FAT4: variants seen among roughly 807,000 people sequenced by gnomAD.
FAT4 encodes FAT atypical cadherin 4, also known as protocadherin Fat 4.
A neutral mutation model predicts 303.9 loss-of-function variants in FAT4; 84 were observed. The observed-to-expected ratio is 0.28, with a 90% CI of 0.23 to 0.33. The LOEUF (loss-of-function observed/expected upper bound fraction) is 0.33, where lower values mean the gene tolerates loss of function less well. Ranked by LOEUF, FAT4 falls within the 10% of genes least tolerant of loss-of-function variation. The pLI, the probability that FAT4 is intolerant of heterozygous loss-of-function variation, is 1.00. For synonymous variants in FAT4, 2,307 were observed against 2,298.8 expected (o/e 1.00, Z -0.10); for missense variants, 6,005 against 6,146.8 (o/e 0.98, Z 0.77).
At chr4:125,412,036 T>C (rs1369351043) in intron 5 of FAT4, among the ~76,000 whole-genome samples, 2 of 151,732 alleles carry the variant, frequency 1.3e-5, no homozygotes, top group African/African-American at 2.4e-5. Flanking sequence ...GCAACACTTA[T>C]GGCTAAAGCT....
chr4:125,441,027 G>GC (rs1725644789), intron 8 of FAT4, among the ~76,000 whole-genome samples: 1 of 151,756 alleles, frequency 6.6e-6, no homozygotes, highest in African/African-American at 2.4e-5. Flanking sequence ...ATTACATCAT[G>GC]CCTGTACTAT....
chr4:125,487,371 A>C lies in FAT4; in HGVS notation c.12849A>C (p.Thr4283=). ...VKIKNGKVYF[T]SDAGIAGKVE... ...TTAAGAATGGCAAAGTATATTTTAC[A>C]TCCGATGCAGGAATTGCTGGGAAAG... is the stretch of plus-strand genomic sequence containing the variant. The change falls in exon 17 of 18, where the codon ACA becomes ACC. Residue 4283 remains threonine, a synonymous_variant. Transcript: ENST00000394329. 6.2e-7 allele frequency: 1 copy of C among 1,613,712 alleles called. No individual in the cohort carries two copies. The highest frequency in any genetic ancestry group is 8.5e-7 in the Non-Finnish European group (1 of 1,179,648).
At chr4:125,446,054 A>C (rs1725815681) in intron 8 of FAT4, 1 of 361,834 alleles carries the variant, frequency 2.8e-6, no homozygotes, top group African/African-American at 2.1e-5. Context: ...AGAGTCCTAA[A>C]AACCTTGTGA....
At position 125,335,794 on chromosome 4, in the gene FAT4, C is replaced by T. The variant is rs766728939; in HGVS notation, c.5175+14208C>T. On this transcript the variant is annotated intron_variant, in intron 2 of 17. Coordinates refer to ENST00000394329, the MANE Select transcript of FAT4 (RefSeq NM_001291303.3). ...TTGTTCAAATACTGGCTTAACTTTTCATGCTGTGTGACTTTAAGGGAGAAG... is the reference window on the plus strand; with the variant it reads ...TTGTTCAAATACTGGCTTAACTTTTTATGCTGTGTGACTTTAAGGGAGAAG... 1.4e-3 allele frequency among the ~76,000 whole-genome samples: 211 copies of T among 151,920 alleles called. 1 individual carries two copies. The highest frequency in any genetic ancestry group is 2.7e-3 in the Admixed American group (41 of 15,240).
In FAT4 at chr4:125,447,110, A is replaced by C. The variant is rs73849223; in HGVS notation, c.7450+567A>C. ...TGTTAGCAAGTTTATGGATCCATTT[A>C]TGAATCATTTTCATATTGACAATAT... On this transcript the variant is annotated intron_variant, in intron 9 of 17. Coordinates refer to ENST00000394329, the MANE Select transcript of FAT4 (RefSeq NM_001291303.3). 2.6e-5 allele frequency among the ~76,000 whole-genome samples: 4 copies of C among 152,044 alleles called. No homozygotes were observed. The South Asian group carries it at 6.2e-4, about 24-fold the overall frequency.
In FAT4 at chr4:125,460,589, T is replaced by C. The variant is rs371162859; in HGVS notation, c.11801-2974T>C. ...CTGAGGATAATAGCCTCCAGCTCCA[T>C]CCATGTTCCCACAAAAGACATAATC... On this transcript the variant is annotated intron_variant, in intron 10 of 17. Coordinates refer to ENST00000394329, the MANE Select transcript of FAT4 (RefSeq NM_001291303.3). Among the ~76,000 whole-genome samples, 10 of 152,212 alleles carry C rather than the reference T, an allele frequency of 6.6e-5. No homozygotes were observed. In the South Asian group the frequency reaches 1.9e-3, roughly 28 times the overall value.
intron 2 of FAT4, among the ~76,000 whole-genome samples, chr4:125,357,595 G>A (rs970370707): frequency 2.6e-5 from 4 of 152,128 alleles, no homozygotes; most frequent in East Asian, 1.9e-4. Context: ...TACAAGAGAT[G>A]TTATTTTAAC....
At chr4:125,443,546 G>T (rs1393673617) in intron 8 of FAT4, among the ~76,000 whole-genome samples, 1 of 152,142 alleles carries the variant, frequency 6.6e-6, no homozygotes, top group East Asian at 1.9e-4. Flanking sequence ...TTTAGTCTCT[G>T]TTAGATTCAG....
chr4:125,452,851 A>G (rs1278678101), intron 10 of FAT4, 41 bp downstream of exon 10: 8 of 1,534,276 alleles, frequency 5.2e-6, no homozygotes, highest in Non-Finnish European at 7.0e-6. Flanking sequence ...GACTTTAGCC[A>G]TGTCAAGTAT....
chr4:125,340,100 A>G (rs1268262428), intron 2 of FAT4, among the ~76,000 whole-genome samples: 2 of 152,092 alleles, frequency 1.3e-5, no homozygotes, highest in East Asian at 3.8e-4. Flanking sequence ...ATTTCAGAAA[A>G]TGAACGTTCA....
In FAT4 at chr4:125,416,449, T is replaced by C. The variant is rs1198508845; in HGVS notation, c.6845T>C (p.Val2282Ala). The C allele has an allele frequency of 1.2e-6, 2 of 1,613,012 alleles. No homozygotes were observed. Among genetic ancestry groups the C allele is most frequent in the Non-Finnish European group, 1.7e-6 (2 of 1,179,330 alleles). The change falls in exon 7 of 18, where the codon GTG becomes GCG. Residue 2282 changes from valine (V) to alanine (A), a missense_variant and splice_region_variant. Transcript: ENST00000394329. ...ATCTTGGTATGTACTGTTCTACAGGTGGTGGCAAGAGATGATGATCGAGGA... is the reference window on the plus strand; with the variant it reads ...ATCTTGGTATGTACTGTTCTACAGGCGGTGGCAAGAGATGATGATCGAGGA... ...LGTLPRTILQ[V>A]VARDDDRGSN...
At chr4:125,447,716 T>C (rs960717587) in intron 9 of FAT4, among the ~76,000 whole-genome samples, 1 of 152,152 alleles carries the variant, frequency 6.6e-6, no homozygotes, top group South Asian at 2.1e-4. Flanking sequence ...AATATGTCCT[T>C]ATGGCAGCTT....
intron 10 of FAT4, among the ~76,000 whole-genome samples, chr4:125,462,353 T>G (rs2126070441): frequency 6.6e-6 from 1 of 152,080 alleles, no homozygotes; most frequent in Non-Finnish European, 1.5e-5. Flanking sequence ...AGCTATCTAA[T>G]AAATGCATTA....
At chr4:125,422,664 GGGTATGTCTTTATTA>G (rs1724947653) in intron 7 of FAT4, among the ~76,000 whole-genome samples, 1 of 152,140 alleles carries the variant, frequency 6.6e-6, no homozygotes, top group Non-Finnish European at 1.5e-5. Context: ...ACCCAGTCTT[GGGTATGTCTTTATTA>G]GCTGCATGAC....
At chr4:125,481,036 T>C (rs959325005) in intron 15 of FAT4, among the ~76,000 whole-genome samples, 1 of 152,108 alleles carries the variant, frequency 6.6e-6, no homozygotes, top group African/African-American at 2.4e-5. Context: ...AAATTATATG[T>C]GATGATTACT....
At chr4:125,439,853 C>T (rs1037046470) in intron 8 of FAT4, among the ~76,000 whole-genome samples, 4 of 152,096 alleles carry the variant, frequency 2.6e-5, no homozygotes, top group African/African-American at 9.7e-5. Flanking sequence ...ATTTGCCTCC[C>T]ATGGCCTAGG....
intron 2 of FAT4, among the ~76,000 whole-genome samples, chr4:125,338,689 C>G (rs546236047): frequency 6.6e-6 from 1 of 152,198 alleles, no homozygotes; most frequent in Non-Finnish European, 1.5e-5. Context: ...ATTACGGTAA[C>G]TGGTTTCTGT....
intron 7 of FAT4, among the ~76,000 whole-genome samples, chr4:125,425,593 G>A (rs907057467): frequency 6.6e-6 from 1 of 151,910 alleles, no homozygotes; most frequent in Admixed American, 6.6e-5. Flanking sequence ...TGTATCCAAG[G>A]GTTTTATTAA....
At chr4:125,344,087 A>G (rs982988252) in intron 2 of FAT4, among the ~76,000 whole-genome samples, 1 of 152,190 alleles carries the variant, frequency 6.6e-6, no homozygotes. Context: ...TTATAACTCA[A>G]TTACTAGAAT....
Sources: gnomAD v4.1 joint callset for allele counts (sites outside exome capture counted in the v4.1 genomes callset) on GRCh38, gnomAD v4.1.1 for gene constraint, MANE v1.5 for transcripts, NCBI Gene and HGNC (gene_info 2026-07-23, HGNC 2026-07-21) for gene names.